Variants in TCF7L2 observed in about 807,000 individuals in gnomAD.
The protein encoded by TCF7L2 is transcription factor 7 like 2.
A neutral mutation model predicts 77.9 loss-of-function variants in TCF7L2; 23 were observed. The ratio of observed to expected loss-of-function variants is 0.30; its 90% CI spans 0.21 to 0.42. TCF7L2 has a LOEUF of 0.42. Ranked by LOEUF, TCF7L2 falls within the 10% of genes least tolerant of loss-of-function variation. The probability of loss-of-function intolerance (pLI) is 1.00; values close to 1 mark genes in which losing one functional copy is unlikely to be tolerated. For synonymous variants in TCF7L2, 413 were observed against 340.2 expected, an observed-to-expected ratio of 1.21 and a Z score of -2.36; for missense variants, 654 against 793.1, an observed-to-expected ratio of 0.82 and a Z score of 2.11.
intron 13 of TCF7L2, among the ~76,000 whole-genome samples, chr10:113,165,128 G>A (rs2073896527): frequency 6.6e-6 from 1 of 152,166 alleles, no homozygotes; most frequent in South Asian, 2.1e-4. Flanking sequence ...TGGGAGTGAA[G>A]GGCCGAGGAA....
At chr10:113,133,864 C>A (rs1180207485) in intron 5 of TCF7L2, among the ~76,000 whole-genome samples, 1 of 152,166 alleles carries the variant, frequency 6.6e-6, no homozygotes, top group Non-Finnish European at 1.5e-5. Flanking sequence ...CTAGGAGGCT[C>A]TCAGGGATTG....
chr10:113,045,370 G>A (rs2053251749), intron 5 of TCF7L2, among the ~76,000 whole-genome samples: 1 of 152,172 alleles, frequency 6.6e-6, no homozygotes, highest in African/African-American at 2.4e-5. Flanking sequence ...TGTGAAACAA[G>A]GCACCCTGGC....
At chr10:113,106,551 G>A (rs938444055) in intron 5 of TCF7L2, among the ~76,000 whole-genome samples, 3 of 152,106 alleles carry the variant, frequency 2.0e-5, no homozygotes, top group Non-Finnish European at 4.4e-5. Flanking sequence ...GATTTTTCTC[G>A]GATGCCCCGG....
At chr10:112,951,145 C>T (rs1258292727) in intron 1 of TCF7L2, 62 bp from the exon 2 acceptor site, 2 of 1,437,592 alleles carry the variant, frequency 1.4e-6, no homozygotes, top group African/African-American at 2.9e-5. Flanking sequence ...TTTTTCTCCC[C>T]CTTCTCCCCC....
intron 4 of TCF7L2, among the ~76,000 whole-genome samples, chr10:112,975,728 C>T (rs1019277123): frequency 2.0e-5 from 3 of 152,168 alleles, no homozygotes; most frequent in South Asian, 2.1e-4. Flanking sequence ...GTGATCCGCC[C>T]GTCTCGGCCT....
intron 5 of TCF7L2, among the ~76,000 whole-genome samples, chr10:113,140,861 T>G (rs557141266): frequency 1.3e-5 from 2 of 152,264 alleles, no homozygotes; most frequent in South Asian, 4.1e-4. Context: ...CATGGGAGAT[T>G]GAAGTCTCCA....
At chr10:113,126,740 G>T in intron 5 of TCF7L2, 1 of 985,794 alleles carries the variant, frequency 1.0e-6, no homozygotes, top group Non-Finnish European at 1.2e-6. Flanking sequence ...CCGCGGGTGC[G>T]CGGCGGCGGC....
intron 11 of TCF7L2, among the ~76,000 whole-genome samples, chr10:113,153,762 A>T (rs140433478): frequency 1.3e-5 from 2 of 152,204 alleles, no homozygotes; most frequent in Admixed American, 1.3e-4. Flanking sequence ...GTTAAGTCGG[A>T]TATCTTTACT....
intron 5 of TCF7L2, among the ~76,000 whole-genome samples, chr10:113,069,158 G>T (rs1351644398): frequency 1.3e-5 from 2 of 152,072 alleles, no homozygotes; most frequent in Non-Finnish European, 2.9e-5. Context: ...CCCTTGGAAG[G>T]GGATGGTGGT....
intron 12 of TCF7L2, among the ~76,000 whole-genome samples, chr10:113,160,340 C>T (rs1212166950): frequency 1.3e-5 from 2 of 151,958 alleles, no homozygotes; most frequent in African/African-American, 4.8e-5. Flanking sequence ...ATCACCTTCT[C>T]CCCTCCTCTT....
chr10:113,163,312 AG>A (rs1406124748), intron 13 of TCF7L2, among the ~76,000 whole-genome samples: 1 of 152,176 alleles, frequency 6.6e-6, no homozygotes, highest in Non-Finnish European at 1.5e-5. Flanking sequence ...CATTTTAACA[AG>A]ATTCTGTTTT....
At chr10:113,052,706 A>C (rs926424686) in intron 5 of TCF7L2, among the ~76,000 whole-genome samples, 1 of 152,166 alleles carries the variant, frequency 6.6e-6, no homozygotes, top group African/African-American at 2.4e-5. Context: ...AGGACATGAC[A>C]CATGGACCAA....
rs74157204 is a variant in TCF7L2 at position 113,042,524 on chromosome 10, T to C, written c.552+2398T>C. On this transcript the variant is annotated intron_variant, in intron 5 of 13. Transcript: ENST00000627217. Reference sequence around the variant, plus strand: ...GGTTTACATTTGTGAAATACTTGAATGCTTGTCATGAATGGTGACTTTGGT... The same window carrying C: ...GGTTTACATTTGTGAAATACTTGAACGCTTGTCATGAATGGTGACTTTGGT... Among the ~76,000 whole-genome samples, 809 of 152,298 alleles carry C rather than the reference T, an allele frequency of 5.3e-3. 5 individuals carry two copies. Among genetic ancestry groups the C allele is most frequent in the African/African-American group, 0.018 (765 of 41,566 alleles).
intron 5 of TCF7L2, among the ~76,000 whole-genome samples, chr10:113,102,416 G>GT (rs1245767049): frequency 6.7e-6 from 1 of 149,432 alleles, no homozygotes; most frequent in African/African-American, 2.5e-5. Flanking sequence ...TTTTGTTGTT[G>GT]TTGTTTGTTT....
chr10:112,954,811 T>C (rs948144361), intron 3 of TCF7L2, among the ~76,000 whole-genome samples: 2 of 152,250 alleles, frequency 1.3e-5, no homozygotes, highest in African/African-American at 2.4e-5. Flanking sequence ...CCCTTGCATC[T>C]TCTCTTATCC....
intron 5 of TCF7L2, among the ~76,000 whole-genome samples, chr10:113,079,303 G>T (rs1159334774): frequency 6.6e-6 from 1 of 152,134 alleles, no homozygotes; most frequent in African/African-American, 2.4e-5. Context: ...GTTTTGTCCC[G>T]ATTTGCCACA....
chr10:113,165,505 C>T (rs753276506), intron 13 of TCF7L2, 50 bp from the exon 15 acceptor site: 4 of 1,593,226 alleles, frequency 2.5e-6, no homozygotes, highest in Non-Finnish European at 3.4e-6. Context: ...AACTCTCTCC[C>T]TTGGCATCTG....
intron 12 of TCF7L2, among the ~76,000 whole-genome samples, chr10:113,160,457 T>G (rs2072980265): frequency 6.6e-6 from 1 of 152,192 alleles, no homozygotes; most frequent in African/African-American, 2.4e-5. Flanking sequence ...TTTTTTCTTT[T>G]GGCTCATAGA....
At position 113,113,660 on chromosome 10, in the gene TCF7L2, C is replaced by T. The variant is rs1470116973; in HGVS notation, c.553-27524C>T. ...AGCCCCAAAGAACTGTGTGGTTTCT[C>T]TTATTTCTGCAGCATTTAAAGAAAT... On this transcript the variant is annotated intron_variant, in intron 5 of 13. Transcript: ENST00000627217. Among the ~76,000 whole-genome samples the T allele has an allele frequency of 3.3e-5, 5 of 152,302 alleles. No homozygotes were observed. The East Asian group carries it at 9.6e-4, about 29-fold the overall frequency.
Sources: allele counts gnomAD v4.1 joint callset (sites outside exome capture counted in the v4.1 genomes callset), GRCh38; gene constraint gnomAD v4.1.1; transcripts MANE v1.5; gene names NCBI Gene and HGNC (gene_info 2026-07-23, HGNC 2026-07-21).